The following HYAL1 variants were observed in gnomAD, a reference collection of about 807,000 sequenced individuals.
The protein encoded by HYAL1 is hyaluronidase-1.
A neutral mutation model predicts 28.8 loss-of-function variants in HYAL1; 21 were observed. That is an observed-to-expected ratio of 0.73 (90% CI 0.52 to 1.05). The LOEUF (loss-of-function observed/expected upper bound fraction) is 1.05, where lower values mean the gene tolerates loss of function less well. HYAL1 is among the 50% of genes least tolerant of loss of function. The probability of loss-of-function intolerance (pLI) is 0.00; values close to 1 mark genes in which losing one functional copy is unlikely to be tolerated. For synonymous variants in HYAL1, 200 were observed against 230.1 expected (o/e 0.87, Z 1.18); for missense variants, 491 against 579.2 (o/e 0.85, Z 1.56).
At chr3:50,311,404 C>T (rs1702448685) in intron 1 of HYAL1, among the ~76,000 whole-genome samples, 2 of 143,354 alleles carry the variant, frequency 1.4e-5, no homozygotes. Context: ...GCAGAGGCGC[C>T]CCTCACCTCC....
intron 3 of HYAL1, 75 bp from the exon 4 acceptor site, chr3:50,300,875 C>T: frequency 6.4e-7 from 1 of 1,554,352 alleles, no homozygotes; most frequent in Non-Finnish European, 8.8e-7. Context: ...GAGGCACTCA[C>T]CTGCTGGTCA....
intron 2 of HYAL1, among the ~76,000 whole-genome samples, chr3:50,301,416 G>A (rs943206918): frequency 2.3e-4 from 35 of 151,788 alleles, no homozygotes; most frequent in African/African-American, 8.2e-4. Flanking sequence ...AGGAGTTCGA[G>A]ACCAGCCTGG....
chr3:50,311,914 C>T (rs1358895153), intron 1 of HYAL1, among the ~76,000 whole-genome samples: 6 of 148,224 alleles, frequency 4.0e-5, no homozygotes, highest in Admixed American at 6.7e-5. Context: ...CCTCCCCTCA[C>T]GGATGGGGTG....
chr3:50,311,805 G>A (rs1412082024), intron 1 of HYAL1, among the ~76,000 whole-genome samples: 10 of 135,688 alleles, frequency 7.4e-5, no homozygotes, highest in African/African-American at 2.0e-4. Flanking sequence ...GGGCAGAGGC[G>A]CCCCTCACCT....
At chr3:50,304,398 C>T (rs140499428), upstream of HYAL1, among the ~76,000 whole-genome samples, 10,978 of 130,814 alleles carry the variant, frequency 0.084, 559 homozygotes, top group Middle Eastern at 0.15. Flanking sequence ...CCCAGGAGTT[C>T]GAGACCAGCC....
Position 50,300,740 on chromosome 3 carries a change from C to T in HYAL1, c.1051G>A (p.Val351Met), listed in dbSNP as rs782313821. 19 of 1,613,916 alleles carry T rather than the reference C, an allele frequency of 1.2e-5. No homozygotes were observed. In the African/African-American group the frequency reaches 1.5e-4, roughly 12 times the overall value. ...CTGCAGAGAAGGGCCCCACTGGTCACGTTCAGGATGAAGGGCCCCAGTGTA... is the reference window on the plus strand; with the variant it reads ...CTGCAGAGAAGGGCCCCACTGGTCATGTTCAGGATGAAGGGCCCCAGTGTA... ...DTTLGPFILNVTSGALLCSQA... is the reference protein window; with the variant it reads ...DTTLGPFILNMTSGALLCSQA... Residue 351 changes from valine (V) to methionine (M), a missense_variant, in exon 4 of 4, where the codon GTG becomes ATG. Physicochemically the swap from Val to Met is conservative, Grantham distance 21. Transcript: ENST00000395144.
chr3:50,305,223 A>G (rs1427251372), upstream of HYAL1, among the ~76,000 whole-genome samples: 1 of 151,766 alleles, frequency 6.6e-6, no homozygotes, highest in African/African-American at 2.4e-5. Context: ...CTCTGGACAG[A>G]GCTTATGTAC....
At chr3:50,311,594 G>A (rs1256519832) in intron 1 of HYAL1, among the ~76,000 whole-genome samples, 25 of 138,388 alleles carry the variant, frequency 1.8e-4, no homozygotes, top group Admixed American at 6.3e-4. Context: ...CCTCCCTCCC[G>A]GACGGGGCGG....
chr3:50,310,061 T>TA (rs1385882487), intron 1 of HYAL1, among the ~76,000 whole-genome samples: 68 of 151,502 alleles, frequency 4.5e-4, no homozygotes, highest in South Asian at 1.7e-3. Context: ...GGAGAGAGAA[T>TA]AAAATCATGT....
In HYAL1 at chr3:50,300,244, C is replaced by T. The variant is rs1369387185; in HGVS notation, c.*239G>A. On this transcript the variant is annotated 3_prime_UTR_variant, in exon 4 of 4. Transcript: ENST00000395144. Reference sequence around the variant, plus strand: ...TGTCTCTGGAGGAATTGTCTATGACCTTGCCAAGTAGATGCATATGGACAT... The same window carrying T: ...TGTCTCTGGAGGAATTGTCTATGACTTTGCCAAGTAGATGCATATGGACAT... The T allele has an allele frequency of 3.5e-6, 2 of 573,554 alleles. No individual in the cohort carries two copies. Among genetic ancestry groups the T allele is most frequent in the Non-Finnish European group, 6.4e-6 (2 of 314,050 alleles). 35.5% of individuals were successfully genotyped at this position (573,554 alleles called of 1,614,324 possible).
chr3:50,301,017 A>C lies in HYAL1; in HGVS notation c.961T>G (p.Trp321Gly), dbSNP rs372191801. The C allele has an allele frequency of 1.6e-5, 25 of 1,579,844 alleles. No individual in the cohort carries two copies. The highest frequency in any genetic ancestry group is 2.1e-5 in the Non-Finnish European group (24 of 1,167,788). Residue 321 changes from tryptophan to glycine, a missense_variant, in exon 3 of 4, where the codon TGG (tryptophan) becomes GGG (glycine). By Grantham distance (184) the Trp-to-Gly change is radical. Coordinates refer to ENST00000395144, the MANE Select transcript of HYAL1 (RefSeq NM_033159.4). ...GTTCTTGTATTTTCCCAGCTCACCC[A>C]GAGCACCACTCCAGCTGCCCCCTGG... ...AAQGAAGVVLWVSWENTRTKE... is the reference protein window; with the variant it reads ...AAQGAAGVVLGVSWENTRTKE...
At chr3:50,306,606 G>A (rs1190835443), upstream of HYAL1, among the ~76,000 whole-genome samples, 7 of 151,138 alleles carry the variant, frequency 4.6e-5, 1 homozygote, top group African/African-American at 1.7e-4. Context: ...ATTTTTTTTG[G>A]CTGGGAGTGG....
At chr3:50,312,157 A>G (rs374396769) in intron 1 of HYAL1, 9,909 of 136,820 alleles carry the variant, frequency 0.072, 646 homozygotes, top group Middle Eastern at 0.097. Context: ...GCGGCTGGCC[A>G]GGCGGGGGGT....
intron 2 of HYAL1, 98 bp from the exon 3 acceptor site, chr3:50,301,175 C>T (rs1702141670): frequency 1.3e-6 from 1 of 797,336 alleles, no homozygotes; most frequent in Non-Finnish European, 2.1e-6. Context: ...ATAACCTTCA[C>T]CTGGGGCTGC....
Position 50,302,286 on chromosome 3 carries a change from C to CCTGATGGG in HYAL1, c.663_670dup (p.Gly224AlafsTer12), listed in dbSNP as rs1702197212. On this transcript the variant is annotated frameshift_variant, in exon 2 of 4. Transcript: ENST00000395144. LOFTEE classifies it high-confidence loss of function. The surrounding 1 kb of genome is among the most constrained non-coding windows in gnomAD (Gnocchi z 5.0). ...TAGCTGGTCATTTTGGGCACGGATG[C>CCTGATGGG]CTGATGGGCACTGGCCGGTGTAGTT... The CCTGATGGG allele has an allele frequency of 3.1e-6, 5 of 1,613,668 alleles. No individual in the cohort carries two copies. The highest frequency in any genetic ancestry group is 4.2e-6 in the Non-Finnish European group (5 of 1,180,028).
chr3:50,303,331 G>C (rs113603579), intron 1 of HYAL1, 135 bp downstream of exon 1: 79 of 183,804 alleles, frequency 4.3e-4, no homozygotes, highest in African/African-American at 1.1e-3. Flanking sequence ...CCGACCAAGG[G>C]GGGGAGGCCT....
chr3:50,308,717 G>A (rs1345614156), intron 2 of HYAL1, among the ~76,000 whole-genome samples: 5 of 141,234 alleles, frequency 3.5e-5, no homozygotes, highest in African/African-American at 1.1e-4. Context: ...TTACAGGCAT[G>A]AGCCACCGTG....
intron 2 of HYAL1, among the ~76,000 whole-genome samples, chr3:50,301,310 G>C (rs1249954985): frequency 6.6e-6 from 1 of 152,220 alleles, no homozygotes; most frequent in Non-Finnish European, 1.5e-5. Context: ...GGCACCAAGT[G>C]CACACTCAAT....
chr3:50,302,729 G>A lies in HYAL1; in HGVS notation c.228C>T (p.Ser76=). ...FRGPDMTIFY[S]SQLGTYPYYT... ...AGTAGGGGTAGGTGCCCAGCTGGGA[G>A]CTATAGAAAATTGTCATGTCAGGGC... Residue 76 remains serine (S), a synonymous_variant, in exon 2 of 4, where the codon AGC becomes AGT. Coordinates refer to ENST00000395144, the MANE Select transcript of HYAL1 (RefSeq NM_033159.4). This position sits in a 1 kb window ranked among gnomAD's most constrained non-coding sequence, Gnocchi z 5.0. 1 of 1,614,034 alleles carries A rather than the reference G, an allele frequency of 6.2e-7. No homozygotes were observed. The highest frequency in any genetic ancestry group is 1.1e-5 in the South Asian group (1 of 91,082).
Sources: allele counts gnomAD v4.1 joint callset (sites outside exome capture counted in the v4.1 genomes callset), GRCh38; gene constraint gnomAD v4.1.1; non-coding constraint Gnocchi (gnomAD v3.1); transcripts MANE v1.5; gene names NCBI Gene and HGNC (gene_info 2026-07-23, HGNC 2026-07-21).